MVB12A: variants seen among roughly 807,000 people sequenced by gnomAD.
MVB12A encodes the protein CIN85/CD2AP family binding protein.
Under a neutral mutation model 34.3 loss-of-function variants are expected in MVB12A, and 30 were observed. That is an observed-to-expected ratio of 0.88 (90% CI 0.65 to 1.19). The LOEUF is 1.19. Ranked by LOEUF, MVB12A falls within the 50% of genes most tolerant of loss-of-function variation. The pLI is 0.00. For synonymous variants in MVB12A, 158 were observed against 158.9 expected (o/e 0.99, Z 0.04); for missense variants, 355 against 369.2 (o/e 0.96, Z 0.31).
chr19:17,423,468 G>A, intron 4 of MVB12A, 30 bp from the exon 5 acceptor site: 3 of 1,606,508 alleles, frequency 1.9e-6, no homozygotes, highest in Non-Finnish European at 1.7e-6. Flanking sequence ...CACCGGGCCA[G>A]CATCCCTCCC....
At chr19:17,407,665 A>G (rs1465965110) in intron 2 of MVB12A, among the ~76,000 whole-genome samples, 1 of 152,326 alleles carries the variant, frequency 6.6e-6, no homozygotes, top group East Asian at 1.9e-4. Context: ...AGGATGGAAC[A>G]TGAAGGCGGA....
At chr19:17,420,902 G>A (rs966915685) in intron 3 of MVB12A, 6 of 667,528 alleles carry the variant, frequency 9.0e-6, no homozygotes, top group Admixed American at 6.2e-5. Flanking sequence ...TGTGCTACTT[G>A]TGTCTTTTTA....
At chr19:17,423,935 G>T in intron 6 of MVB12A, 71 bp from the exon 7 acceptor site, 1 of 1,583,468 alleles carries the variant, frequency 6.3e-7, no homozygotes, top group Non-Finnish European at 8.7e-7. Context: ...CAGGCTGTGC[G>T]GGTTGGGCCT....
rs184098931 is a variant in MVB12A at position 17,423,751 on chromosome 19, C to T, written c.592C>T (p.Arg198Trp). 526 of 1,613,970 alleles carry T rather than the reference C, an allele frequency of 3.3e-4. 2 individuals carry two copies. In the East Asian group the frequency reaches 1.0e-2, roughly 31 times the overall value. The change falls in exon 6 of 9, where the codon CGG becomes TGG. Residue 198 changes from arginine (R) to tryptophan (W), a missense_variant. Transcript: ENST00000317040. ...GCTGGGCTCTCGGGCATCCACTCTG[C>T]GGAGGAATGACTCCATCTACGAGGC... ...SRLGSRASTLRRNDSIYEASS... is the reference protein window; with the variant it reads ...SRLGSRASTLWRNDSIYEASS...
rs753969489 is a variant in MVB12A at position 17,424,026 on chromosome 19, ACAC to A, written c.662_664del (p.Thr221_Leu222delinsIle). ...TTCAGCCATGGATGGGGTTCCCTTC[ACAC>A]TCCACCCACGATTTGAGGGCAAGAG... On this transcript the variant is annotated inframe_deletion, in exon 7 of 9. Coordinates refer to ENST00000317040, the MANE Select transcript of MVB12A (RefSeq NM_138401.4). 6.2e-7 allele frequency: 1 copy of A among 1,614,018 alleles called. No individual in the cohort carries two copies. The highest frequency in any genetic ancestry group is 8.5e-7 in the Non-Finnish European group (1 of 1,180,014).
intron 8 of MVB12A, 31 bp downstream of exon 8, chr19:17,424,708 C>A: frequency 6.3e-7 from 1 of 1,587,132 alleles, no homozygotes; most frequent in Admixed American, 1.7e-5. Context: ...GAGGTGGGTG[C>A]AGGGCTAGGG....
At chr19:17,409,130 ATATTT>A (rs1165947482) in intron 2 of MVB12A, among the ~76,000 whole-genome samples, 2 of 136,266 alleles carry the variant, frequency 1.5e-5, no homozygotes, top group Non-Finnish European at 3.2e-5. Flanking sequence ...TGCCCGGCCT[ATATTT>A]TATTTTATAT....
At chr19:17,418,338 A>G (rs2074814514), upstream of MVB12A, 1 of 158,372 alleles carries the variant, frequency 6.3e-6, no homozygotes, top group South Asian at 1.8e-4. Context: ...CTTGTTCGCT[A>G]TTTTTCTAAA....
rs1008720201 is a variant in MVB12A at position 17,411,481 on chromosome 19, G to A, written c.-5+5185G>A. ...AGCGATCCTCCCACCTCAGCCTCCC[G>A]AGTAGCTGGGACCACAGATGCTCAG... On this transcript the variant is annotated intron_variant, in intron 2 of 6. Transcript: ENST00000528604. Among the ~76,000 whole-genome samples, 14 of 151,238 alleles carry A rather than the reference G, an allele frequency of 9.3e-5. No individual in the cohort carries two copies. The South Asian group carries it at 1.7e-3, about 18-fold the overall frequency.
At position 17,423,559 on chromosome 19, in the gene MVB12A, C is replaced by T. The variant is rs1208865009; in HGVS notation, c.475C>T (p.Pro159Ser). The change falls in exon 5 of 9, where the codon CCC (proline) becomes TCC (serine). Residue 159 changes from proline (P) to serine (S), a missense_variant. Pro to Ser is a moderately conservative substitution (Grantham distance 74, BLOSUM62 -1). Coordinates refer to ENST00000317040, the MANE Select transcript of MVB12A (RefSeq NM_138401.4). The stretch of plus-strand genomic sequence containing the variant: ...CAAGGCCCCGAGGCCAGTGCCCAAG[C>T]CCCGAGGTCTCAGCCGGGACATGCA... ...KAKAPRPVPK[P>S]RGLSRDMQGL... The T allele has an allele frequency of 1.9e-6, 3 of 1,613,940 alleles. No individual in the cohort carries two copies. The Admixed American group carries it at 5.0e-5, about 27-fold the overall frequency.
chr19:17,418,915 G>T (rs2074818837), upstream of MVB12A: 3 of 133,758 alleles, frequency 2.2e-5, no homozygotes, highest in Non-Finnish European at 3.2e-5. Context: ...AGGCACAGCT[G>T]CTTAAAGATT....
Position 17,407,736 on chromosome 19 carries a change from G to A in MVB12A, c.-5+1440G>A, listed in dbSNP as rs931794525. Among the ~76,000 whole-genome samples the A allele has an allele frequency of 3.9e-5, 6 of 152,302 alleles. No individual in the cohort carries two copies. The East Asian group carries it at 9.6e-4, about 24-fold the overall frequency. On this transcript the variant is annotated intron_variant, in intron 2 of 6. Coordinates refer to the MVB12A transcript ENST00000528604. ...GAGACGGTTAGGCTGCCAGATAACC[G>A]CGGGCGAGCCTGACTGATGTCAGGC...
chr19:17,416,730 T>TC (rs1361343558), upstream of MVB12A, among the ~76,000 whole-genome samples: 4 of 148,674 alleles, frequency 2.7e-5, no homozygotes, highest in East Asian at 7.9e-4. Context: ...TTTTTTTTTT[T>TC]CCTCTGTCAC....
At chr19:17,420,754 C>A in intron 3 of MVB12A, 120 bp downstream of exon 3, 1 of 699,370 alleles carries the variant, frequency 1.4e-6, no homozygotes, top group Non-Finnish European at 2.5e-6. Context: ...GGGGTGATGA[C>A]AGGGTTGGCT....
In MVB12A at chr19:17,424,682, G is replaced by C. The variant is rs1192948988; in HGVS notation, c.759+5G>C. On this transcript the variant is annotated splice_donor_5th_base_variant and intron_variant, in intron 8 of 8. Coordinates refer to ENST00000317040, the MANE Select transcript of MVB12A (RefSeq NM_138401.4). Reference sequence around the variant, plus strand: ...CTGGCGGACATTGAGGAGGAGGTGGGTGCAGGGCTAGGGAGGAGGTGGGTG... The same window carrying C: ...CTGGCGGACATTGAGGAGGAGGTGGCTGCAGGGCTAGGGAGGAGGTGGGTG... The C allele has an allele frequency of 1.2e-6, 2 of 1,606,700 alleles. No homozygotes were observed. Among genetic ancestry groups the C allele is most frequent in the African/African-American group, 2.7e-5 (2 of 74,706 alleles).
chr19:17,423,355 G>A (rs1328145456), intron 4 of MVB12A, 143 bp from the exon 5 acceptor site: 14 of 1,043,062 alleles, frequency 1.3e-5, no homozygotes, highest in South Asian at 8.4e-5. Context: ...GCGAAACTCC[G>A]TCCCCAAAAA....
chr19:17,408,477 G>A (rs542793608), intron 2 of MVB12A, among the ~76,000 whole-genome samples: 4 of 148,910 alleles, frequency 2.7e-5, no homozygotes, highest in Non-Finnish European at 4.4e-5. Flanking sequence ...ATGGAGTCTC[G>A]CTCTTGTTGC....
rs1235558480 is a variant in MVB12A at position 17,424,060 on chromosome 19, G to C, written c.695G>C (p.Ser232Thr). ...LHPRFEGKSCSPLAFSAFGDL... is the reference protein window; with the variant it reads ...LHPRFEGKSCTPLAFSAFGDL... The stretch of plus-strand genomic sequence containing the variant: ...CCACGATTTGAGGGCAAGAGCTGCA[G>C]CCCCCTGGTGAGTCGGGGTCTCAGG... Residue 232 changes from serine to threonine, a missense_variant, in exon 7 of 9, where the codon AGC becomes ACC. Transcript: ENST00000317040. 1.2e-6 allele frequency: 2 copies of C among 1,614,066 alleles called. No individual in the cohort carries two copies. Among genetic ancestry groups the C allele is most frequent in the Non-Finnish European group, 1.7e-6 (2 of 1,179,990 alleles).
chr19:17,419,503 T>C (rs1479878753), upstream of MVB12A: 4 of 152,236 alleles, frequency 2.6e-5, no homozygotes, highest in Non-Finnish European at 5.9e-5. Context: ...TGATGGTCCA[T>C]AGTACTCGCT....
Sources: allele counts gnomAD v4.1 joint callset (sites outside exome capture counted in the v4.1 genomes callset), GRCh38; gene constraint gnomAD v4.1.1; transcripts MANE v1.5; gene names NCBI Gene and HGNC (gene_info 2026-07-23, HGNC 2026-07-21).